CPT1C: variants seen among roughly 807,000 people sequenced by gnomAD.
CPT1C encodes the protein palmitoyl thioesterase CPT1C.
A neutral mutation model predicts 97.3 loss-of-function variants in CPT1C; 61 were observed. The ratio of observed to expected loss-of-function variants is 0.63; its 90% confidence interval spans 0.51 to 0.78. The LOEUF is 0.78. CPT1C is among the 30% of genes least tolerant of loss of function. CPT1C has a pLI of 0.00. For missense variants in CPT1C, 975 were observed against 1,065.5 expected, an observed-to-expected ratio of 0.92 and a Z score of 1.18; for synonymous variants, 469 against 447.2, an observed-to-expected ratio of 1.05 and a Z score of -0.61.
intron 3 of CPT1C, among the ~76,000 whole-genome samples, chr19:49,693,736 C>T (rs1027240755): frequency 1.3e-5 from 2 of 151,712 alleles, no homozygotes; most frequent in Admixed American, 6.6e-5. Context: ...CCAGCCTGGA[C>T]AACATAGGGA....
chr19:49,707,778 G>A (rs900660741), intron 13 of CPT1C, among the ~76,000 whole-genome samples, 155 bp downstream of exon 13: 6 of 151,306 alleles, frequency 4.0e-5, no homozygotes, highest in Non-Finnish European at 5.9e-5. Flanking sequence ...CGAGGTGGGC[G>A]GATCATGAGG....
chr19:49,709,952 T>C (rs896079248), intron 14 of CPT1C, among the ~76,000 whole-genome samples: 2 of 152,042 alleles, frequency 1.3e-5, no homozygotes, highest in African/African-American at 4.8e-5. Context: ...GTTCAAGCGA[T>C]TCTCCTGCCT....
chr19:49,708,002 CAAAAAAAAAAAAAAAA>C (rs60276067), intron 13 of CPT1C, among the ~76,000 whole-genome samples: 1 of 56,788 alleles, frequency 1.8e-5, no homozygotes, highest in African/African-American at 6.1e-5. Flanking sequence ...GAATACATCT[CAAAAAAAAAAAAAAAA>C]AAAAAAAAAG....
At chr19:49,692,420 T>C in intron 3 of CPT1C, 27 bp downstream of exon 3, 1 of 1,611,216 alleles carries the variant, frequency 6.2e-7, no homozygotes, top group Non-Finnish European at 8.5e-7. Flanking sequence ...GTCGGTTTCC[T>C]TCCGGGGATC....
rs759160783 is a variant in CPT1C at position 49,700,814 on chromosome 19, G to GAGCCCC, written c.414_419dup (p.Pro139_His140insGlnPro). ...TCTGTCCTACCACGGCTGGCTTCTT[G>GAGCCCC]AGCCCCACGGAGCCATGTCCTCCCC... On this transcript the variant is annotated inframe_insertion, in exon 5 of 20. Coordinates refer to ENST00000598293, the MANE Select transcript of CPT1C (RefSeq NM_001199753.2). 6.2e-7 allele frequency: 1 copy of GAGCCCC among 1,613,166 alleles called. No individual in the cohort carries two copies. The highest frequency in any genetic ancestry group is 1.1e-5 in the South Asian group (1 of 91,084).
At chr19:49,707,381 C>T in intron 12 of CPT1C, 137 bp from the exon 13 acceptor site, 1 of 668,460 alleles carries the variant, frequency 1.5e-6, no homozygotes, top group Non-Finnish European at 2.7e-6. Context: ...CCCCAATGGT[C>T]CTAGAGATCC....
chr19:49,709,685 G>A (rs1341023730), intron 14 of CPT1C, among the ~76,000 whole-genome samples: 1 of 151,602 alleles, frequency 6.6e-6, no homozygotes, highest in Non-Finnish European at 1.5e-5. Context: ...CTCCTGAGGA[G>A]CTGGGATTAC....
rs1390928322 is a variant in CPT1C, at chr19:49,712,734, A to T, written c.2020-2A>T. 6.2e-7 allele frequency: 1 copy of T among 1,610,480 alleles called. No individual in the cohort carries two copies. The highest frequency in any genetic ancestry group is 1.7e-5 in the Admixed American group (1 of 60,006). On this transcript the variant is annotated splice_acceptor_variant, in intron 17 of 19. Transcript: ENST00000598293. LOFTEE classifies it high-confidence loss of function. ...GCACATGTGATGGGCTCCTGTCCTC[A>T]GGTCCATTCGGAGCAGTGGCAGCTG...
At position 49,705,210 on chromosome 19, in the gene CPT1C, G is replaced by C; in HGVS notation, c.880-4G>C. 1.9e-6 allele frequency: 3 copies of C among 1,614,126 alleles called. No homozygotes were observed. The highest frequency in any genetic ancestry group is 8.5e-7 in the Non-Finnish European group (1 of 1,180,008). On this transcript the variant is annotated splice_region_variant and splice_polypyrimidine_tract_variant and intron_variant, in intron 9 of 19. Transcript: ENST00000598293. The stretch of plus-strand genomic sequence containing the variant: ...GGCAGCTCACAGCCCACGGTTTCCT[G>C]CAGACTTTGCTGATGGGAATGCGCC...
At chr19:49,707,929 G>A (rs140213410) in intron 13 of CPT1C, among the ~76,000 whole-genome samples, 134 of 150,744 alleles carry the variant, frequency 8.9e-4, no homozygotes, top group African/African-American at 3.1e-3. Flanking sequence ...CATGAACCCG[G>A]GAGGTGGAGG....
At position 49,705,487 on chromosome 19, in the gene CPT1C, G is replaced by A. The variant is rs536448326; in HGVS notation, c.964+189G>A. On this transcript the variant is annotated intron_variant, in intron 10 of 19. Coordinates refer to ENST00000598293, the MANE Select transcript of CPT1C (RefSeq NM_001199753.2). The stretch of plus-strand genomic sequence containing the variant: ...TAATAATTGTACCTAGGGGCTGGGC[G>A]CAGTGACTGATGCCTGTAATCCCAG... Among the ~76,000 whole-genome samples the A allele has an allele frequency of 1.0e-3, 152 of 152,240 alleles. 1 individual carries two copies. Among genetic ancestry groups the A allele is most frequent in the Middle Eastern group, 3.4e-3 (1 of 294 alleles).
intron 14 of CPT1C, among the ~76,000 whole-genome samples, chr19:49,709,076 AC>A (rs904785635): frequency 5.3e-5 from 8 of 150,670 alleles, no homozygotes; most frequent in African/African-American, 2.0e-4. Context: ...CCCATCCTCA[AC>A]CCCAACCCCA....
rs145807606 is a variant in CPT1C, at chr19:49,706,237, G to A, written c.1167G>A (p.Thr389=). ...CACATCCCGGGCCCTCCAGGGGCAC[G>A]TGGGCCCAGGTGCGGACATCCCTGA... ...LAALTAAPRG[T]WAQVRTSLKT... Residue 389 remains threonine, a synonymous_variant, in exon 12 of 20, where the codon ACG becomes ACA. Coordinates refer to ENST00000598293, the MANE Select transcript of CPT1C (RefSeq NM_001199753.2). This position sits in a 1 kb window ranked among gnomAD's most constrained non-coding sequence, Gnocchi z 4.8. The A allele has an allele frequency of 5.3e-5, 82 of 1,533,600 alleles. No individual in the cohort carries two copies. Among genetic ancestry groups the A allele is most frequent in the African/African-American group, 2.8e-4 (20 of 71,546 alleles). The allele number at this position is 1,533,600 out of a possible 1,614,324, so 95.0% of individuals were successfully genotyped here. A position where few individuals can be genotyped will look rare whatever the true frequency, so the allele number is the denominator to read the frequency against.
At position 49,713,558 on chromosome 19, in the gene CPT1C, C is replaced by T. The variant is rs376907872; in HGVS notation, c.2365C>T (p.Arg789Cys). ...CAGGCACAGGTGTGGATTTCTCTCC[C>T]GCCAGACTGGGGCCTCCAAGGCCTC... ...NSRHRCGFLS[R>C]QTGASKASMT... Residue 789 changes from arginine (R) to cysteine (C), a missense_variant, in exon 20 of 20, where the codon CGC (arginine) becomes TGC (cysteine). Transcript: ENST00000598293. The T allele has an allele frequency of 1.6e-5, 26 of 1,613,792 alleles. No individual in the cohort carries two copies. The Admixed American group carries it at 2.0e-4, about 12-fold the overall frequency.
At position 49,705,652 on chromosome 19, in the gene CPT1C, C is replaced by T. The variant is rs944344438; in HGVS notation, c.965-257C>T. ...ATATGCACCTGTGGCCCCAGTTAAT[C>T]GGGAGCCTGAAGTGGAAGGATCACC... is the stretch of plus-strand genomic sequence containing the variant. On this transcript the variant is annotated intron_variant, in intron 10 of 19. Coordinates refer to ENST00000598293, the MANE Select transcript of CPT1C (RefSeq NM_001199753.2). Among the ~76,000 whole-genome samples the T allele has an allele frequency of 6.6e-5, 10 of 152,144 alleles. 1 individual carries two copies. The Middle Eastern group carries it at 0.017, about 259-fold the overall frequency.
chr19:49,712,572 GGGGCGTGGCCAGATA>G (rs1345010896), intron 17 of CPT1C, 149 bp from the exon 18 acceptor site: 58 of 615,272 alleles, frequency 9.4e-5, no homozygotes, highest in Middle Eastern at 8.7e-4. Flanking sequence ...AGACGAGTGA[GGGGCGTGGCCAGATA>G]GGGCGTGGTC....
intron 12 of CPT1C, among the ~76,000 whole-genome samples, 155 bp from the exon 13 acceptor site, chr19:49,707,363 C>A (rs981249123): frequency 6.6e-6 from 1 of 152,188 alleles, no homozygotes; most frequent in Non-Finnish European, 1.5e-5. Context: ...AGGGCCACTA[C>A]TGGGGACCCC....
At chr19:49,707,759 T>A in intron 13 of CPT1C, 136 bp downstream of exon 13, 1 of 557,870 alleles carries the variant, frequency 1.8e-6, no homozygotes, top group Non-Finnish European at 3.1e-6. Flanking sequence ...TCCCAGCATT[T>A]TGGGAGGCCG....
chr19:49,705,984 A>C lies in CPT1C; in HGVS notation c.1040A>C (p.His347Pro), dbSNP rs778223198. ...GGCCGATTCTTCCGCATGGGGACCCACTCCCGAAACAGCCTGCTTTCCCCG... is the reference window on the plus strand; with the variant it reads ...GGCCGATTCTTCCGCATGGGGACCCCCTCCCGAAACAGCCTGCTTTCCCCG... ...HRGRFFRMGTHSRNSLLSPRA... is the reference protein window; with the variant it reads ...HRGRFFRMGTPSRNSLLSPRA... The change falls in exon 11 of 20, where the codon CAC becomes CCC. Residue 347 changes from histidine to proline, a missense_variant. By Grantham distance (77) the His-to-Pro change is moderately conservative. Around this residue, in one of 3 missense-constraint regions of CPT1C, gnomAD observed 596 missense variants for 603.1 expected, o/e 0.99. Transcript: ENST00000598293. 6.2e-7 allele frequency: 1 copy of C among 1,613,702 alleles called. No individual in the cohort carries two copies. Among genetic ancestry groups the C allele is most frequent in the African/African-American group, 1.3e-5 (1 of 74,890 alleles).
Sources: allele counts gnomAD v4.1 joint callset (sites outside exome capture counted in the v4.1 genomes callset), GRCh38; gene constraint gnomAD v4.1.1; regional missense constraint gnomAD v4.1.1; non-coding constraint Gnocchi (gnomAD v3.1); transcripts MANE v1.5; gene names NCBI Gene and HGNC (gene_info 2026-07-23, HGNC 2026-07-21).